The following SPEF2 variants were observed in gnomAD, a reference collection of about 807,000 sequenced individuals.
SPEF2 encodes sperm flagellar and cilia associated 2.
SPEF2 carries 187 observed loss-of-function variants against 224.6 expected under a neutral mutation model. The ratio of observed to expected loss-of-function variants is 0.83; its 90% CI spans 0.74 to 0.94. The LOEUF is 0.94. Among genes scored for constraint, SPEF2 ranks in the 40% least tolerant of loss-of-function variants. The pLI, the probability that SPEF2 is intolerant of heterozygous loss-of-function variation, is 0.00. For synonymous variants in SPEF2, 715 were observed against 707.3 expected (o/e 1.01, Z -0.17); for missense variants, 2,170 against 2,135.6 (o/e 1.02, Z -0.32).
chr5:35,637,738 GT>G lies in SPEF2; in HGVS notation c.162-3691del, dbSNP rs1403808907. 2.0e-5 allele frequency among the ~76,000 whole-genome samples: 3 copies of G among 151,998 alleles called. No homozygotes were observed. The East Asian group carries it at 5.8e-4, about 29-fold the overall frequency. ...CCTCAAGTACATGGCATATAAATTC[GT>G]TGTTAGCCCCAGCTGCCCCCTCTTC... On this transcript the variant is annotated intron_variant, in intron 2 of 36. Transcript: ENST00000356031.
rs1400327992 is a variant in SPEF2, at chr5:35,644,348, C to T, written c.415-7C>T. ...ATAAAATCTTTTGAAATGCTTTTTT[C>T]ATTTAGAGACTTAGACACATGATAC... On this transcript the variant is annotated splice_region_variant and splice_polypyrimidine_tract_variant and intron_variant, in intron 3 of 36. Coordinates refer to ENST00000356031, the MANE Select transcript of SPEF2 (RefSeq NM_024867.4). The T allele has an allele frequency of 1.3e-6, 2 of 1,487,516 alleles. No individual in the cohort carries two copies. The highest frequency in any genetic ancestry group is 1.4e-5 in the South Asian group (1 of 69,508). 92.1% of individuals were successfully genotyped at this position (1,487,516 alleles called of 1,614,324 possible). A position where few individuals can be genotyped will look rare whatever the true frequency, so the allele number is the denominator to read the frequency against.
chr5:35,811,557 C>T (rs1282344964), intron 36 of SPEF2, among the ~76,000 whole-genome samples: 1 of 151,022 alleles, frequency 6.6e-6, no homozygotes, highest in Non-Finnish European at 1.5e-5. Flanking sequence ...CAAGTGACCT[C>T]AAAGTGCCTT....
chr5:35,754,040 G>C (rs1363275465), intron 24 of SPEF2, among the ~76,000 whole-genome samples: 1 of 152,112 alleles, frequency 6.6e-6, no homozygotes, highest in Non-Finnish European at 1.5e-5. Context: ...AGTAGAAATA[G>C]TGTTTACAAC....
rs1250483373 is a variant in SPEF2 at position 35,644,481 on chromosome 5, T to G, written c.541T>G (p.Phe181Val). Residue 181 changes from phenylalanine to valine, a missense_variant, in exon 4 of 37, where the codon TTT (phenylalanine) becomes GTT (valine). By Grantham distance (50) the Phe-to-Val change is conservative. Transcript: ENST00000356031. ...TTTGCATTTTGAGAAACTTGAAAGA[T>G]TTCAAAAACTCAAGGAAGAGCAAAG... ...AHLHFEKLER[F>V]QKLKEEQRCF... 6.2e-7 allele frequency: 1 copy of G among 1,605,778 alleles called. No homozygotes were observed. Among genetic ancestry groups the G allele is most frequent in the Non-Finnish European group, 8.5e-7 (1 of 1,177,788 alleles).
chr5:35,751,088 C>T (rs1158242811), intron 23 of SPEF2, among the ~76,000 whole-genome samples: 320 of 13,196 alleles, frequency 0.024, no homozygotes, highest in Middle Eastern at 0.056. Context: ...TACACACACA[C>T]ACACACACAT....
intron 13 of SPEF2, among the ~76,000 whole-genome samples, chr5:35,694,839 C>A (rs1755061910): frequency 6.6e-6 from 1 of 152,204 alleles, no homozygotes; most frequent in Non-Finnish European, 1.5e-5. Context: ...ACTACCAATA[C>A]AACTAAGTTT....
At chr5:35,809,226 C>T (rs148255797) in intron 36 of SPEF2, among the ~76,000 whole-genome samples, 5 of 152,018 alleles carry the variant, frequency 3.3e-5, no homozygotes, top group African/African-American at 9.6e-5. Context: ...TACTGAGACC[C>T]GTAGTATAAG....
At chr5:35,651,689 C>T (rs1164817112) in intron 6 of SPEF2, among the ~76,000 whole-genome samples, 1 of 152,182 alleles carries the variant, frequency 6.6e-6, no homozygotes, top group Non-Finnish European at 1.5e-5. Context: ...TGAAAAACTT[C>T]ACACTAACTT....
chr5:35,685,389 T>C (rs545377761), intron 10 of SPEF2, among the ~76,000 whole-genome samples: 2 of 152,302 alleles, frequency 1.3e-5, no homozygotes, highest in South Asian at 4.1e-4. Context: ...TGACAACTTA[T>C]ATTCTGAGTA....
At chr5:35,699,179 A>G (rs6897434) in intron 15 of SPEF2, 82,339 of 151,956 alleles carry the variant, frequency 0.54, 22,743 homozygotes, top group African/African-American at 0.58. Context: ...TTGTTACACT[A>G]TTGGAAGGAT....
chr5:35,664,472 C>T (rs1039085388), intron 8 of SPEF2, among the ~76,000 whole-genome samples: 5 of 151,936 alleles, frequency 3.3e-5, no homozygotes, highest in East Asian at 3.9e-4. Flanking sequence ...AGGTGGATCA[C>T]GAGGACAAGA....
chr5:35,793,713 A>C (rs1360392836), intron 32 of SPEF2, among the ~76,000 whole-genome samples: 2 of 149,876 alleles, frequency 1.3e-5, no homozygotes, highest in African/African-American at 2.5e-5. Flanking sequence ...CAGCGTAGAA[A>C]GAACAGTGGT....
intron 26 of SPEF2, among the ~76,000 whole-genome samples, chr5:35,765,862 C>A (rs927086401): frequency 2.0e-5 from 3 of 151,944 alleles, no homozygotes; most frequent in Admixed American, 6.6e-5. Flanking sequence ...GAATTGTATT[C>A]TCAAATGCTT....
In SPEF2 at chr5:35,705,821, G is replaced by T. The variant is rs773473723; in HGVS notation, c.2665+13G>T. ...AAAAAGAATAAAGGTATTTACATTT[G>T]TTTATAGTTTTGAGTTTAGGCAACT... On this transcript the variant is annotated intron_variant, in intron 18 of 36. Coordinates refer to ENST00000356031, the MANE Select transcript of SPEF2 (RefSeq NM_024867.4). The T allele has an allele frequency of 2.1e-6, 3 of 1,423,434 alleles. No homozygotes were observed. The highest frequency in any genetic ancestry group is 2.9e-6 in the Non-Finnish European group (3 of 1,052,144). 88.2% of individuals were successfully genotyped at this position (1,423,434 alleles called of 1,614,324 possible). A position where few individuals can be genotyped will look rare whatever the true frequency, so the allele number is the denominator to read the frequency against.
At chr5:35,707,895 C>G (rs1488016883) in intron 18 of SPEF2, among the ~76,000 whole-genome samples, 2 of 152,126 alleles carry the variant, frequency 1.3e-5, no homozygotes. Flanking sequence ...TAAGAAGCTG[C>G]CCACAACACT....
chr5:35,641,480 A>C lies in SPEF2; in HGVS notation c.211A>C (p.Asn71His), dbSNP rs6897513. 925,286 of 1,613,278 alleles carry C rather than the reference A, an allele frequency of 0.57. 268,929 individuals are homozygous for C. Among genetic ancestry groups the C allele is most frequent in the East Asian group, 0.76 (34,112 of 44,844 alleles). Residue 71 changes from asparagine (N) to histidine (H), a missense_variant, in exon 3 of 37, where the codon AAC becomes CAC. By Grantham distance (68) the Asn-to-His change is moderately conservative. Coordinates refer to ENST00000356031, the MANE Select transcript of SPEF2 (RefSeq NM_024867.4). ...NNFSRLEPTL[N>H]LLGVQFDQNV... ...TTTTTCTCGCTTGGAGCCAACACTT[A>C]ACCTTCTGGGTGTGCAGTTTGATCA...
At chr5:35,807,005 T>C in intron 35 of SPEF2, 53 bp downstream of exon 35, 3 of 1,566,950 alleles carry the variant, frequency 1.9e-6, no homozygotes, top group Non-Finnish European at 8.6e-7. Flanking sequence ...CATATTTTTA[T>C]GGAATTGCTC....
chr5:35,808,163 T>C, intron 36 of SPEF2: 1 of 982,124 alleles, frequency 1.0e-6, no homozygotes, highest in Non-Finnish European at 1.2e-6. Flanking sequence ...ACGTTTTTGT[T>C]CTAAGTTGCT....
intron 5 of SPEF2, 43 bp from the exon 6 acceptor site, chr5:35,649,318 T>G (rs1212170682): frequency 1.3e-6 from 2 of 1,505,748 alleles, no homozygotes; most frequent in African/African-American, 2.8e-5. Flanking sequence ...GATTTTTCAA[T>G]GGTTTTTAGA....
Sources: allele counts gnomAD v4.1 joint callset (sites outside exome capture counted in the v4.1 genomes callset), GRCh38; gene constraint gnomAD v4.1.1; transcripts MANE v1.5; gene names NCBI Gene and HGNC (gene_info 2026-07-23, HGNC 2026-07-21).